Variants in RANBP2 observed in about 807,000 individuals in gnomAD.
The protein encoded by RANBP2 is E3 SUMO-protein ligase RanBP2.
A neutral mutation model predicts 303.6 loss-of-function variants in RANBP2; 57 were observed. The observed-to-expected ratio is 0.19, with a 90% confidence interval of 0.15 to 0.23. The LOEUF is 0.23. Ranked by LOEUF, RANBP2 falls within the 10% of genes least tolerant of loss-of-function variation. The probability of loss-of-function intolerance (pLI) is 1.00; values close to 1 mark genes in which losing one functional copy is unlikely to be tolerated. For synonymous variants in RANBP2, 1,167 were observed against 1,301.5 expected (o/e 0.90, Z 2.23); for missense variants, 3,138 against 3,780.8 (o/e 0.83, Z 4.46).
At chr2:108,967,042 C>A in the RANBP2 span, among the ~76,000 whole-genome samples, 6 of 152,332 alleles carry the variant, frequency 3.9e-5, no homozygotes, top group East Asian at 1.2e-3. Flanking sequence ...TCAAGCAATT[C>A]TTCTGCCTCA....
the RANBP2 span, among the ~76,000 whole-genome samples, chr2:109,728,261 C>A: frequency 6.6e-6 from 1 of 152,082 alleles, no homozygotes; most frequent in Non-Finnish European, 1.5e-5. Flanking sequence ...CAAGTTCCCC[C>A]AGATGACACA....
At chr2:108,939,169 A>C in the RANBP2 span, among the ~76,000 whole-genome samples, 1 of 151,766 alleles carries the variant, frequency 6.6e-6, no homozygotes, top group African/African-American at 2.4e-5. Context: ...CATGCCACTC[A>C]TCCTTCCATT....
At chr2:109,601,007 C>T in the RANBP2 span, among the ~76,000 whole-genome samples, 2 of 152,220 alleles carry the variant, frequency 1.3e-5, no homozygotes, top group Non-Finnish European at 2.9e-5. Context: ...GGGTATGCCA[C>T]CCTCCCAACA....
At chr2:109,747,714 G>A in the RANBP2 span, among the ~76,000 whole-genome samples, 1 of 146,124 alleles carries the variant, frequency 6.8e-6, no homozygotes, top group African/African-American at 2.6e-5. Flanking sequence ...ACTTGATTGA[G>A]CCTGGGCAAA....
the RANBP2 span, among the ~76,000 whole-genome samples, chr2:109,182,631 G>T: frequency 6.6e-6 from 1 of 152,326 alleles, no homozygotes; most frequent in Non-Finnish European, 1.5e-5. Context: ...GTGACTAAAG[G>T]AATGAATGAG....
the RANBP2 span, among the ~76,000 whole-genome samples, chr2:108,879,032 G>A: frequency 1.5e-5 from 1 of 65,402 alleles, no homozygotes; most frequent in East Asian, 2.1e-3. Flanking sequence ...TTATGGTCAT[G>A]TTCTAAATAA....
At chr2:109,479,531 C>T in the RANBP2 span, among the ~76,000 whole-genome samples, 228 of 152,054 alleles carry the variant, frequency 1.5e-3, no homozygotes, top group Non-Finnish European at 2.7e-3. Context: ...CCTGGGGTGT[C>T]GGGATGTCCA....
At chr2:109,348,666 G>A in the RANBP2 span, among the ~76,000 whole-genome samples, 3 of 152,100 alleles carry the variant, frequency 2.0e-5, no homozygotes, top group Non-Finnish European at 4.4e-5. Context: ...TTGGAACCTC[G>A]TTTTCTCCAT....
the RANBP2 span, among the ~76,000 whole-genome samples, chr2:109,715,779 C>T: frequency 6.6e-6 from 1 of 152,204 alleles, no homozygotes; most frequent in African/African-American, 2.4e-5. Flanking sequence ...CACCTGGCAG[C>T]CAGCCCCCAT....
At chr2:108,989,135 T>A in the RANBP2 span, 2 of 152,760 alleles carry the variant, frequency 1.3e-5, no homozygotes, top group African/African-American at 4.8e-5. Context: ...CTGGCACACC[T>A]CTCTGACACT....
chr2:109,296,735 G>T, the RANBP2 span, among the ~76,000 whole-genome samples: 1 of 152,160 alleles, frequency 6.6e-6, no homozygotes, highest in Non-Finnish European at 1.5e-5. Context: ...GGTGAGGGGA[G>T]TGCAGAGGAT....
At chr2:109,531,316 G>C in the RANBP2 span, among the ~76,000 whole-genome samples, 2 of 152,178 alleles carry the variant, frequency 1.3e-5, no homozygotes, top group Admixed American at 6.5e-5. Flanking sequence ...ACCTTGCAGG[G>C]CTCAGGACGT....
At chr2:109,202,721 C>T in the RANBP2 span, among the ~76,000 whole-genome samples, 3 of 152,174 alleles carry the variant, frequency 2.0e-5, no homozygotes, top group Non-Finnish European at 2.9e-5. Context: ...CATCTGGAAA[C>T]GCCACGGCCT....
chr2:108,828,556 C>T, the RANBP2 span, among the ~76,000 whole-genome samples: 1 of 152,134 alleles, frequency 6.6e-6, no homozygotes, highest in Non-Finnish European at 1.5e-5. Flanking sequence ...CACATATAGT[C>T]CAATGATTTT....
At chr2:109,211,023 T>C in the RANBP2 span, among the ~76,000 whole-genome samples, 3 of 152,172 alleles carry the variant, frequency 2.0e-5, no homozygotes, top group Non-Finnish European at 4.4e-5. Flanking sequence ...GGCACACGGG[T>C]TGATGACAGC....
chr2:109,348,348 C>G, the RANBP2 span, among the ~76,000 whole-genome samples: 3,606 of 152,280 alleles, frequency 0.024, 137 homozygotes, highest in African/African-American at 0.082. Flanking sequence ...GGGGAAACTG[C>G]TACAGAGACC....
At chr2:109,259,881 C>T in the RANBP2 span, among the ~76,000 whole-genome samples, 1 of 152,148 alleles carries the variant, frequency 6.6e-6, no homozygotes, top group Non-Finnish European at 1.5e-5. Context: ...GTGGGGATGG[C>T]TCTGGAAACT....
At chr2:109,178,298 CT>C in the RANBP2 span, among the ~76,000 whole-genome samples, 1 of 152,096 alleles carries the variant, frequency 6.6e-6, no homozygotes, top group East Asian at 1.9e-4. Context: ...TTTTAGAGCT[CT>C]TTTATGAATG....
At chr2:108,768,674 A>G (rs979012503) in intron 20 of RANBP2, among the ~76,000 whole-genome samples, 2 of 152,156 alleles carry the variant, frequency 1.3e-5, no homozygotes, top group African/African-American at 2.4e-5. Context: ...AATCATGCAC[A>G]TTAACGTGAG....
Sources: allele counts gnomAD v4.1 joint callset (sites outside exome capture counted in the v4.1 genomes callset), GRCh38; gene constraint gnomAD v4.1.1; transcripts MANE v1.5; gene names NCBI Gene and HGNC (gene_info 2026-07-23, HGNC 2026-07-21).